SYNPR: variants seen among roughly 807,000 people sequenced by gnomAD.
The protein encoded by SYNPR is synaptoporin.
Under a neutral mutation model 32.9 loss-of-function variants are expected in SYNPR, and 23 were observed. That is an observed-to-expected ratio of 0.70 (90% CI 0.50 to 0.99). SYNPR has a LOEUF of 0.99. Among genes scored for constraint, SYNPR ranks in the 50% least tolerant of loss-of-function variants. The pLI, the probability that SYNPR is intolerant of heterozygous loss-of-function variation, is 0.00. For synonymous variants in SYNPR, 146 were observed against 135.9 expected, an observed-to-expected ratio of 1.07 and a Z score of -0.52; for missense variants, 318 against 349.3, an observed-to-expected ratio of 0.91 and a Z score of 0.71.
chr3:63,338,012 T>C (rs146342715), intron 2 of SYNPR, among the ~76,000 whole-genome samples: 4 of 152,090 alleles, frequency 2.6e-5, no homozygotes, highest in African/African-American at 9.7e-5. Context: ...ACCAAGAACT[T>C]CAGTCAATAA....
At chr3:63,238,723 T>C in intron 1 of SYNPR, among the ~76,000 whole-genome samples, 1 of 152,178 alleles carries the variant, frequency 6.6e-6, no homozygotes, top group East Asian at 1.9e-4. Context: ...TGTTTTGACA[T>C]TCTTGTGGTT....
intron 2 of SYNPR, among the ~76,000 whole-genome samples, chr3:63,292,242 T>A (rs1256166168): frequency 6.6e-6 from 1 of 152,226 alleles, no homozygotes; most frequent in Non-Finnish European, 1.5e-5. Context: ...CATGTAATAA[T>A]TGTGCATATT....
At chr3:63,454,865 A>C (rs1419589137) in intron 2 of SYNPR, among the ~76,000 whole-genome samples, 1 of 152,100 alleles carries the variant, frequency 6.6e-6, no homozygotes, top group Non-Finnish European at 1.5e-5. Context: ...GTTGAGGATA[A>C]AAACAAAATA....
chr3:63,232,775 G>A (rs990064424), intron 1 of SYNPR, among the ~76,000 whole-genome samples: 1 of 152,160 alleles, frequency 6.6e-6, no homozygotes, highest in Admixed American at 6.5e-5. Context: ...CACCCAGAAT[G>A]AGGATGTGTT....
At chr3:63,441,372 G>T (rs1013496464) in intron 2 of SYNPR, among the ~76,000 whole-genome samples, 1 of 152,136 alleles carries the variant, frequency 6.6e-6, no homozygotes, top group African/African-American at 2.4e-5. Flanking sequence ...ACTGGGCTCC[G>T]TGAAGAAACA....
At chr3:63,242,528 G>A (rs566751093) in intron 1 of SYNPR, among the ~76,000 whole-genome samples, 33 of 152,092 alleles carry the variant, frequency 2.2e-4, no homozygotes, top group Non-Finnish European at 4.1e-4. Context: ...AACACCACTA[G>A]TATGGAACAG....
intron 3 of SYNPR, among the ~76,000 whole-genome samples, chr3:63,523,197 C>A (rs1425721939): frequency 1.3e-5 from 2 of 152,062 alleles, no homozygotes; most frequent in Non-Finnish European, 1.5e-5. Context: ...GAGCTGGAGG[C>A]TTGAGGGCAG....
At chr3:63,304,120 T>C (rs2086884179) in intron 2 of SYNPR, among the ~76,000 whole-genome samples, 2 of 152,058 alleles carry the variant, frequency 1.3e-5, no homozygotes, top group Non-Finnish European at 2.9e-5. Flanking sequence ...GCAGCAGTGA[T>C]ACATTTAAAT....
At position 63,400,865 on chromosome 3, in the gene SYNPR, AT is replaced by A. The variant is rs539594391; in HGVS notation, c.85-79965del. ...AGGAAGGGGAAGCAGAGCAATCTAA[AT>A]TAATTAAATAGCAGTAGGGCCAGTG... On this transcript the variant is annotated intron_variant, in intron 2 of 5. Coordinates refer to ENST00000478300, the MANE Select transcript of SYNPR (RefSeq NM_001130003.2). 5.1e-4 allele frequency among the ~76,000 whole-genome samples: 77 copies of A among 152,282 alleles called. 1 individual carries two copies. The highest frequency in any genetic ancestry group is 1.8e-3 in the African/African-American group (74 of 41,572).
chr3:63,422,825 T>C (rs1367094762), intron 2 of SYNPR, among the ~76,000 whole-genome samples: 2 of 152,106 alleles, frequency 1.3e-5, no homozygotes, highest in Non-Finnish European at 2.9e-5. Context: ...AACTCACCCA[T>C]TTCCACCAAG....
At chr3:63,223,729 C>T (rs1296811841), upstream of SYNPR, among the ~76,000 whole-genome samples, 1 of 152,190 alleles carries the variant, frequency 6.6e-6, no homozygotes, top group Non-Finnish European at 1.5e-5. Context: ...GTTAAAAGGA[C>T]TGCCCCCCTC....
At chr3:63,526,219 A>T (rs572106940) in intron 3 of SYNPR, among the ~76,000 whole-genome samples, 1 of 152,328 alleles carries the variant, frequency 6.6e-6, no homozygotes, top group East Asian at 1.9e-4. Context: ...GAACCATTGT[A>T]AAGGTCAAAG....
intron 2 of SYNPR, among the ~76,000 whole-genome samples, chr3:63,419,702 G>A (rs577406463): frequency 6.6e-6 from 1 of 152,312 alleles, no homozygotes; most frequent in Non-Finnish European, 1.5e-5. Flanking sequence ...GCCCCATGAA[G>A]TGGGTCAGGG....
chr3:63,481,294 C>T (rs1701042739), intron 3 of SYNPR, among the ~76,000 whole-genome samples: 1 of 152,104 alleles, frequency 6.6e-6, no homozygotes, highest in African/African-American at 2.4e-5. Flanking sequence ...TAGCACTGTG[C>T]CTTTCTAATG....
chr3:63,229,636 G>T (rs1359295590), intron 1 of SYNPR, among the ~76,000 whole-genome samples: 1 of 152,118 alleles, frequency 6.6e-6, no homozygotes, highest in Non-Finnish European at 1.5e-5. Context: ...ATCATTTACT[G>T]ATTCTGCCAT....
chr3:63,561,255 C>T (rs1012996526), intron 4 of SYNPR: 9 of 152,028 alleles, frequency 5.9e-5, no homozygotes, highest in East Asian at 3.9e-4. Flanking sequence ...TAACATCAAC[C>T]GATATTGATT....
At chr3:63,608,455 A>G (rs1283035626) in intron 4 of SYNPR, among the ~76,000 whole-genome samples, 1 of 152,216 alleles carries the variant, frequency 6.6e-6, no homozygotes, top group East Asian at 1.9e-4. Context: ...GAATAATTTT[A>G]TACAAAACCT....
At chr3:63,430,002 T>C (rs528595233) in intron 2 of SYNPR, among the ~76,000 whole-genome samples, 1 of 152,368 alleles carries the variant, frequency 6.6e-6, no homozygotes, top group Admixed American at 6.5e-5. Context: ...GTAAGATACA[T>C]GGTCATTAGT....
chr3:63,258,509 T>G (rs890833931), intron 2 of SYNPR, among the ~76,000 whole-genome samples: 1 of 152,212 alleles, frequency 6.6e-6, no homozygotes, highest in East Asian at 1.9e-4. Context: ...AATAAAGATG[T>G]TCTTTGAAAC....
Sources: gnomAD v4.1 joint callset for allele counts (sites outside exome capture counted in the v4.1 genomes callset) on GRCh38, gnomAD v4.1.1 for gene constraint, MANE v1.5 for transcripts, NCBI Gene and HGNC (gene_info 2026-07-23, HGNC 2026-07-21) for gene names.